NFIB: variants seen among roughly 807,000 people sequenced by gnomAD.
NFIB encodes nuclear factor 1 B-type.
Under a neutral mutation model 61.5 loss-of-function variants are expected in NFIB, and 11 were observed. The ratio of observed to expected loss-of-function variants is 0.18; its 90% CI spans 0.11 to 0.30. The LOEUF is 0.30. Among genes scored for constraint, NFIB ranks in the 10% least tolerant of loss-of-function variants. The pLI is 1.00. For missense variants in NFIB, 471 were observed against 608.9 expected (o/e 0.77, Z 2.38); for synonymous variants, 260 against 216.5 (o/e 1.20, Z -1.76).
intron 1 of NFIB, among the ~76,000 whole-genome samples, chr9:14,395,177 G>T (rs1234169901): frequency 6.6e-6 from 1 of 152,092 alleles, no homozygotes; most frequent in African/African-American, 2.4e-5. Context: ...TTGACTTTAA[G>T]CCTCCATATG....
At chr9:14,110,009 G>C (rs2037110190) in intron 10 of NFIB, among the ~76,000 whole-genome samples, 1 of 151,992 alleles carries the variant, frequency 6.6e-6, no homozygotes. Context: ...ATATGAAAGT[G>C]TATACTTTTA....
At chr9:14,530,523 T>C in the NFIB span, among the ~76,000 whole-genome samples, 1 of 151,942 alleles carries the variant, frequency 6.6e-6, no homozygotes, top group South Asian at 2.1e-4. Context: ...CTCCTGCAGG[T>C]TTACACATCT....
chr9:14,300,697 CTT>C lies in NFIB; in HGVS notation c.562+6290_562+6291del, dbSNP rs1002751685. The stretch of plus-strand genomic sequence containing the variant: ...CCATGATAACAGAAATGAAAACTAA[CTT>C]ATCTCAATTTTTAAGAAATCCTGTG... On this transcript the variant is annotated intron_variant, in intron 2 of 10. Coordinates refer to ENST00000380953, the MANE Select transcript of NFIB (RefSeq NM_001190737.2). Among the ~76,000 whole-genome samples, 51 of 152,298 alleles carry C rather than the reference CTT, an allele frequency of 3.3e-4. 1 individual carries two copies. In the Middle Eastern group the frequency reaches 0.01, roughly 31 times the overall value.
At chr9:14,512,065 G>T in the NFIB span, among the ~76,000 whole-genome samples, 2 of 152,238 alleles carry the variant, frequency 1.3e-5, no homozygotes, top group African/African-American at 4.8e-5. Flanking sequence ...TACTTGTCTG[G>T]TTTATTACTA....
At chr9:14,235,635 T>G (rs943619565) in intron 2 of NFIB, among the ~76,000 whole-genome samples, 1 of 152,258 alleles carries the variant, frequency 6.6e-6, no homozygotes, top group Non-Finnish European at 1.5e-5. Flanking sequence ...AAAGCACTGT[T>G]GTACTGCTGT....
the NFIB span, among the ~76,000 whole-genome samples, chr9:14,457,675 T>C: frequency 5.9e-5 from 9 of 151,522 alleles, no homozygotes; most frequent in Admixed American, 2.0e-4. Context: ...TAAAAAATGA[T>C]AAAGGGGTTA....
At chr9:14,434,251 G>T in the NFIB span, among the ~76,000 whole-genome samples, 3 of 152,170 alleles carry the variant, frequency 2.0e-5, no homozygotes, top group Non-Finnish European at 4.4e-5. Context: ...CACTGGGTTT[G>T]CTGTCCAGGA....
intron 1 of NFIB, among the ~76,000 whole-genome samples, chr9:14,310,373 A>G (rs1051084267): frequency 6.6e-6 from 1 of 152,190 alleles, no homozygotes; most frequent in Non-Finnish European, 1.5e-5. Context: ...ACAAGGGGAC[A>G]TATCCTCCAA....
At chr9:14,128,645 C>A (rs998324584) in intron 6 of NFIB, among the ~76,000 whole-genome samples, 3 of 149,570 alleles carry the variant, frequency 2.0e-5, no homozygotes, top group Admixed American at 1.3e-4. Context: ...TTGTAGTGAG[C>A]CAAGATAGTG....
intron 2 of NFIB, among the ~76,000 whole-genome samples, chr9:14,183,939 A>G (rs868212860): frequency 6.6e-6 from 1 of 152,200 alleles, no homozygotes; most frequent in Non-Finnish European, 1.5e-5. Context: ...CTAAATTACT[A>G]TATTTTAAAC....
At chr9:14,306,868 C>T in intron 2 of NFIB, 121 bp downstream of exon 2, 1 of 1,230,832 alleles carries the variant, frequency 8.1e-7, no homozygotes, top group East Asian at 2.3e-5. Context: ...CCTACTATAC[C>T]CAGAGAGGGT....
intron 3 of NFIB, among the ~76,000 whole-genome samples, chr9:14,157,798 T>A (rs1363806466): frequency 6.6e-6 from 1 of 152,132 alleles, no homozygotes; most frequent in Non-Finnish European, 1.5e-5. Context: ...TTGTTTATAG[T>A]TCATTATACT....
At chr9:14,338,626 A>C (rs7036184) in intron 1 of NFIB, among the ~76,000 whole-genome samples, 1 of 151,958 alleles carries the variant, frequency 6.6e-6, no homozygotes, top group Non-Finnish European at 1.5e-5. Context: ...ATTAAACCAG[A>C]AAACATGTGA....
chr9:14,451,045 C>G, the NFIB span, among the ~76,000 whole-genome samples: 2 of 152,290 alleles, frequency 1.3e-5, no homozygotes, highest in Non-Finnish European at 1.5e-5. Flanking sequence ...GATTTTGGTC[C>G]AGGTGCTGGC....
intron 1 of NFIB, among the ~76,000 whole-genome samples, chr9:14,349,019 A>G (rs1023575377): frequency 6.6e-6 from 1 of 152,250 alleles, no homozygotes; most frequent in African/African-American, 2.4e-5. Context: ...AAATTCGGAA[A>G]ACTCCACCGA....
At chr9:14,331,551 T>C (rs1208822306) in intron 1 of NFIB, among the ~76,000 whole-genome samples, 2 of 152,228 alleles carry the variant, frequency 1.3e-5, no homozygotes, top group Admixed American at 1.3e-4. Flanking sequence ...ATTAAAGAAC[T>C]TATCAAGCTG....
the NFIB span, among the ~76,000 whole-genome samples, chr9:14,527,100 C>A: frequency 6.6e-6 from 1 of 152,086 alleles, no homozygotes; most frequent in Non-Finnish European, 1.5e-5. Context: ...ATGTATTTTA[C>A]CACATCTTCA....
At chr9:14,515,323 G>A in the NFIB span, among the ~76,000 whole-genome samples, 2 of 152,186 alleles carry the variant, frequency 1.3e-5, no homozygotes, top group African/African-American at 2.4e-5. Flanking sequence ...GGCCTAAAAT[G>A]CACAGGATGC....
chr9:14,249,863 T>G (rs189231644), intron 2 of NFIB, among the ~76,000 whole-genome samples: 1 of 152,062 alleles, frequency 6.6e-6, no homozygotes, highest in Non-Finnish European at 1.5e-5. Flanking sequence ...GGTGACACTG[T>G]CCTCATGCAA....
Sources: gnomAD v4.1 joint callset for allele counts (sites outside exome capture counted in the v4.1 genomes callset) on GRCh38, gnomAD v4.1.1 for gene constraint, MANE v1.5 for transcripts, NCBI Gene and HGNC (gene_info 2026-07-23, HGNC 2026-07-21) for gene names.